RBFOX3: variants seen among roughly 807,000 people sequenced by gnomAD.
RBFOX3 encodes the protein RNA binding protein fox-1 homolog 3.
In RBFOX3, 17 loss-of-function variants were observed where a neutral mutation model predicts 48.7. The observed-to-expected ratio is 0.35, with a 90% CI of 0.24 to 0.52. The LOEUF (loss-of-function observed/expected upper bound fraction) is 0.52. Among genes scored for constraint, RBFOX3 ranks in the 20% least tolerant of loss-of-function variants. RBFOX3 has a pLI of 0.94. For missense variants in RBFOX3, 382 were observed against 497.5 expected (o/e 0.77, Z 2.21); for synonymous variants, 212 against 209.5 (o/e 1.01, Z -0.10).
the RBFOX3 span, among the ~76,000 whole-genome samples, chr17:79,640,616 T>A: frequency 6.6e-6 from 1 of 152,110 alleles, no homozygotes; most frequent in African/African-American, 2.4e-5. Flanking sequence ...TATAGACCAA[T>A]CGAACAAAAT....
At chr17:79,486,231 T>C (rs2079575170) in intron 1 of RBFOX3, among the ~76,000 whole-genome samples, 1 of 150,808 alleles carries the variant, frequency 6.6e-6, no homozygotes, top group African/African-American at 2.4e-5. Context: ...CAGGGCGCAG[T>C]GGCAGGGACC....
At chr17:79,436,396 C>T (rs998273839) in intron 2 of RBFOX3, among the ~76,000 whole-genome samples, 5 of 152,240 alleles carry the variant, frequency 3.3e-5, no homozygotes, top group South Asian at 2.1e-4. Context: ...AGCATGAGTA[C>T]GGTTGAAGCA....
intron 2 of RBFOX3, among the ~76,000 whole-genome samples, chr17:79,344,540 A>ATTAT (rs35977736): frequency 0.17 from 24,755 of 147,282 alleles, 2,184 homozygotes; most frequent in East Asian, 0.24. Context: ...ACTTTGTTTG[A>ATTAT]TTATTTATTT....
chr17:79,308,188 C>T (rs1346895630), intron 2 of RBFOX3, among the ~76,000 whole-genome samples: 3 of 151,922 alleles, frequency 2.0e-5, no homozygotes, highest in Non-Finnish European at 2.9e-5. Flanking sequence ...GTCCCCAAGC[C>T]GGGCCCCAGG....
intron 2 of RBFOX3, among the ~76,000 whole-genome samples, chr17:79,333,048 CAGAG>C (rs986507004): frequency 6.7e-6 from 1 of 150,366 alleles, no homozygotes; most frequent in African/African-American, 2.4e-5. Flanking sequence ...TATAGATAGA[CAGAG>C]ACATAGAGAA....
intron 2 of RBFOX3, among the ~76,000 whole-genome samples, chr17:79,404,387 A>G (rs1302035036): frequency 6.6e-6 from 1 of 152,224 alleles, no homozygotes; most frequent in African/African-American, 2.4e-5. Flanking sequence ...AGTTGGGACC[A>G]GAGCACGTGT....
chr17:79,114,626 C>T (rs113224634), intron 5 of RBFOX3, among the ~76,000 whole-genome samples: 3 of 152,322 alleles, frequency 2.0e-5, no homozygotes, highest in South Asian at 2.1e-4. Context: ...TGGGAGCCGC[C>T]GGGGCGGTGC....
chr17:79,364,147 C>G lies in RBFOX3; in HGVS notation c.-174-56323G>C, dbSNP rs927069844. Among the ~76,000 whole-genome samples the G allele has an allele frequency of 1.3e-5, 2 of 152,230 alleles. No individual in the cohort carries two copies. Among genetic ancestry groups the G allele is most frequent in the Non-Finnish European group, 2.9e-5 (2 of 68,032 alleles). On this transcript the variant is annotated intron_variant, in intron 2 of 14. Transcript: ENST00000693108. This position sits in a 1 kb window ranked among gnomAD's most constrained non-coding sequence, Gnocchi z 5.1. ...CATTCACTCAGTCATTTAAACAGCC[C>G]CATGCCCAGAAGGCAGGCTCCGTGG...
intron 1 of RBFOX3, among the ~76,000 whole-genome samples, chr17:79,510,030 G>A (rs1163985364): frequency 6.6e-6 from 1 of 152,210 alleles, no homozygotes; most frequent in African/African-American, 2.4e-5. Context: ...AGTCAATGCA[G>A]AAGGAGCATC....
chr17:79,579,681 C>A, intron 1 of RBFOX3, among the ~76,000 whole-genome samples: 1 of 151,634 alleles, frequency 6.6e-6, no homozygotes, highest in Non-Finnish European at 1.5e-5. Flanking sequence ...CACTGAGACT[C>A]GGCACCATGG....
At chr17:79,333,761 C>T (rs1397625787) in intron 2 of RBFOX3, among the ~76,000 whole-genome samples, 1 of 152,190 alleles carries the variant, frequency 6.6e-6, no homozygotes, top group African/African-American at 2.4e-5. Flanking sequence ...TCCCCCAGCT[C>T]CCTGATCCCA....
chr17:79,646,124 C>T, the RBFOX3 span, among the ~76,000 whole-genome samples: 56 of 152,260 alleles, frequency 3.7e-4, no homozygotes, highest in African/African-American at 1.3e-3. Flanking sequence ...CACTCCCTTC[C>T]CCAGAAAGAC....
intron 3 of RBFOX3, among the ~76,000 whole-genome samples, chr17:79,278,672 G>C (rs145842551): frequency 2.0e-5 from 3 of 152,362 alleles, no homozygotes; most frequent in Admixed American, 1.3e-4. Context: ...TCTCTGTCTG[G>C]TGTCCAGGTG....
At chr17:79,351,556 G>C (rs1171422323) in intron 2 of RBFOX3, among the ~76,000 whole-genome samples, 1 of 152,158 alleles carries the variant, frequency 6.6e-6, no homozygotes, top group Non-Finnish European at 1.5e-5. Flanking sequence ...GAGTCTTGTT[G>C]AGGGTCTGAT....
intron 2 of RBFOX3, among the ~76,000 whole-genome samples, chr17:79,458,792 C>A (rs1555746837): frequency 6.6e-6 from 1 of 152,060 alleles, no homozygotes; most frequent in East Asian, 1.9e-4. Context: ...GATGTTGAAG[C>A]CCTCACCCCT....
the RBFOX3 span, among the ~76,000 whole-genome samples, chr17:79,616,684 C>T: frequency 6.6e-5 from 10 of 152,254 alleles, no homozygotes; most frequent in Admixed American, 1.3e-4. Context: ...AGGCCACCAT[C>T]CAAGCACGCT....
intron 4 of RBFOX3, among the ~76,000 whole-genome samples, chr17:79,137,726 T>G (rs1224505506): frequency 6.6e-6 from 1 of 152,122 alleles, no homozygotes; most frequent in East Asian, 1.9e-4. Context: ...AAGAGGCGAG[T>G]GTGGATCTAA....
In RBFOX3 at chr17:79,112,392, C is replaced by T. The variant is rs1677437375; in HGVS notation, c.222+3102G>A. 2.6e-5 allele frequency among the ~76,000 whole-genome samples: 4 copies of T among 152,136 alleles called. No homozygotes were observed. In the South Asian group the frequency reaches 8.3e-4, roughly 31 times the overall value. ...CCCTGAGTTGGATGAACACGGACTT[C>T]CCACCAATTGCTGGCTGGAAACCCT... is the stretch of plus-strand genomic sequence containing the variant. On this transcript the variant is annotated intron_variant, in intron 5 of 14. Coordinates refer to ENST00000693108, the MANE Select transcript of RBFOX3 (RefSeq NM_001350451.2).
intron 1 of RBFOX3, among the ~76,000 whole-genome samples, chr17:79,529,831 C>A (rs1373163875): frequency 1.3e-5 from 2 of 152,210 alleles, no homozygotes. Context: ...CAGGGCCAAA[C>A]CCAGCTCCCC....
Sources: allele counts gnomAD v4.1 joint callset (sites outside exome capture counted in the v4.1 genomes callset), GRCh38; gene constraint gnomAD v4.1.1; non-coding constraint Gnocchi (gnomAD v3.1); transcripts MANE v1.5; gene names NCBI Gene and HGNC (gene_info 2026-07-23, HGNC 2026-07-21).